SGCD: variants seen among roughly 807,000 people sequenced by gnomAD.
The protein encoded by SGCD is delta-sarcoglycan.
In SGCD, 18 loss-of-function variants were observed where a neutral mutation model predicts 36.6. That is an observed-to-expected ratio of 0.49 (90% CI 0.34 to 0.73). The LOEUF (loss-of-function observed/expected upper bound fraction) is 0.73. Ranked by LOEUF, SGCD falls within the 30% of genes least tolerant of loss-of-function variation. The pLI, the probability that SGCD is intolerant of heterozygous loss-of-function variation, is 0.01. For synonymous variants in SGCD, 133 were observed against 130.6 expected (o/e 1.02, Z -0.12); for missense variants, 387 against 346.7 (o/e 1.12, Z -0.92).
chr5:156,484,358 A>G (rs1301043847), intron 3 of SGCD, among the ~76,000 whole-genome samples: 1 of 152,204 alleles, frequency 6.6e-6, no homozygotes, highest in Non-Finnish European at 1.5e-5. Flanking sequence ...ATGTTGTTAA[A>G]TACTTTATAG....
Position 156,729,516 on chromosome 5 carries a change from G to C in SGCD, c.576-28065G>C, listed in dbSNP as rs574751799. The stretch of plus-strand genomic sequence containing the variant: ...TCAGGGTTGTAGCAAGCATGAAATG[G>C]GATGATACACATAAAGGATTTAAGT... On this transcript the variant is annotated intron_variant, in intron 7 of 8. Transcript: ENST00000337851. 2.2e-4 allele frequency among the ~76,000 whole-genome samples: 33 copies of C among 152,196 alleles called. 1 individual carries two copies. The South Asian group carries it at 6.0e-3, about 28-fold the overall frequency.
intron 1 of SGCD, among the ~76,000 whole-genome samples, chr5:156,081,650 C>G (rs1361748136): frequency 6.6e-6 from 1 of 152,100 alleles, no homozygotes; most frequent in Non-Finnish European, 1.5e-5. Context: ...GCCTTAGCCC[C>G]CACAAAGTGC....
chr5:156,203,573 A>G (rs926104883), intron 3 of SGCD, among the ~76,000 whole-genome samples: 4 of 152,114 alleles, frequency 2.6e-5, no homozygotes, highest in African/African-American at 7.2e-5. Flanking sequence ...CTGTATTACT[A>G]TGTTCCTGAC....
At chr5:156,387,738 A>T (rs1409510518) in intron 3 of SGCD, among the ~76,000 whole-genome samples, 1 of 152,158 alleles carries the variant, frequency 6.6e-6, no homozygotes, top group Non-Finnish European at 1.5e-5. Flanking sequence ...AGGGCCCAAA[A>T]ACAACTTCAA....
intron 3 of SGCD, among the ~76,000 whole-genome samples, chr5:156,248,270 C>A (rs1382476586): frequency 6.6e-6 from 1 of 152,046 alleles, no homozygotes; most frequent in African/African-American, 2.4e-5. Flanking sequence ...GCCTGTAATC[C>A]CAGCACTTTG....
intron 3 of SGCD, among the ~76,000 whole-genome samples, chr5:156,253,062 A>G (rs895293514): frequency 9.2e-5 from 14 of 152,224 alleles, no homozygotes; most frequent in African/African-American, 3.1e-4. Context: ...CAACTACTTT[A>G]ATTTTTAAAA....
intron 2 of SGCD, among the ~76,000 whole-genome samples, chr5:156,343,635 C>T (rs900313296): frequency 6.6e-6 from 1 of 152,276 alleles, no homozygotes; most frequent in Admixed American, 6.5e-5. Flanking sequence ...TTTGTGTCAA[C>T]AGCAGGGACT....
At chr5:155,831,789 C>T in the SGCD span, among the ~76,000 whole-genome samples, 3 of 152,082 alleles carry the variant, frequency 2.0e-5, no homozygotes, top group Non-Finnish European at 4.4e-5. Flanking sequence ...GTAGGGAGAG[C>T]GGATATGAGT....
intron 4 of SGCD, among the ~76,000 whole-genome samples, chr5:156,577,123 G>T (rs548398346): frequency 1.3e-5 from 2 of 152,162 alleles, no homozygotes; most frequent in Non-Finnish European, 2.9e-5. Flanking sequence ...TCCAGTTTCA[G>T]CTTTCTACAT....
intron 3 of SGCD, among the ~76,000 whole-genome samples, chr5:156,389,410 A>G (rs1359788039): frequency 1.3e-5 from 2 of 152,160 alleles, no homozygotes; most frequent in African/African-American, 2.4e-5. Context: ...TAAAACTCCT[A>G]CTTTTGAAGA....
intron 3 of SGCD, among the ~76,000 whole-genome samples, chr5:156,268,657 A>C (rs1046541525): frequency 3.3e-5 from 5 of 151,696 alleles, no homozygotes; most frequent in African/African-American, 9.7e-5. Flanking sequence ...CAATGGTGCA[A>C]CCTCGGCTCA....
At chr5:156,104,984 C>A (rs903890802) in intron 1 of SGCD, among the ~76,000 whole-genome samples, 1 of 151,892 alleles carries the variant, frequency 6.6e-6, no homozygotes, top group African/African-American at 2.4e-5. Flanking sequence ...ACATCACACA[C>A]TGGGGCCTGT....
chr5:155,791,943 T>C, the SGCD span, among the ~76,000 whole-genome samples: 2 of 151,972 alleles, frequency 1.3e-5, no homozygotes, highest in Non-Finnish European at 2.9e-5. Context: ...AGAGCAAAAA[T>C]AGCCAAAACA....
At chr5:156,552,652 A>G (rs1351502984) in intron 4 of SGCD, among the ~76,000 whole-genome samples, 1 of 152,162 alleles carries the variant, frequency 6.6e-6, no homozygotes, top group Non-Finnish European at 1.5e-5. Context: ...TGAAAATAAG[A>G]ACATCCTCCT....
intron 7 of SGCD, among the ~76,000 whole-genome samples, chr5:156,745,620 A>AATG (rs1756907275): frequency 6.6e-6 from 1 of 152,226 alleles, no homozygotes; most frequent in African/African-American, 2.4e-5. Flanking sequence ...ATGTAGACCC[A>AATG]CAGAGGCTTC....
intron 1 of SGCD, among the ~76,000 whole-genome samples, chr5:155,872,390 C>G (rs1755674003): frequency 1.3e-5 from 2 of 151,656 alleles, no homozygotes; most frequent in Admixed American, 1.3e-4. Context: ...CACACACTCT[C>G]ATGGAAAACT....
chr5:156,252,653 C>A (rs1765612024), intron 3 of SGCD, among the ~76,000 whole-genome samples: 1 of 152,158 alleles, frequency 6.6e-6, no homozygotes, highest in Non-Finnish European at 1.5e-5. Context: ...ATAGTGGCCC[C>A]ATTAGATGCA....
chr5:156,616,009 G>A (rs910114458), intron 6 of SGCD, among the ~76,000 whole-genome samples: 9 of 152,174 alleles, frequency 5.9e-5, no homozygotes, highest in Non-Finnish European at 1.3e-4. Flanking sequence ...CAAAGGGAGA[G>A]GCAAGGAAAT....
At chr5:155,858,482 G>C in the SGCD span, among the ~76,000 whole-genome samples, 1 of 152,194 alleles carries the variant, frequency 6.6e-6, no homozygotes, top group East Asian at 1.9e-4. Context: ...ATCATCTTTT[G>C]TAGTTGTCAT....
Sources: gnomAD v4.1 joint callset for allele counts (sites outside exome capture counted in the v4.1 genomes callset) on GRCh38, gnomAD v4.1.1 for gene constraint, MANE v1.5 for transcripts, NCBI Gene and HGNC (gene_info 2026-07-23, HGNC 2026-07-21) for gene names.